Variants in SREK1IP1 observed in about 807,000 individuals in gnomAD.
SREK1IP1 encodes the protein SREK1 interacting protein 1.
Under a neutral mutation model 22.8 loss-of-function variants are expected in SREK1IP1, and 12 were observed. The ratio of observed to expected loss-of-function variants is 0.53; its 90% CI spans 0.34 to 0.85. SREK1IP1 has a LOEUF of 0.85. Ranked by LOEUF, SREK1IP1 falls within the 40% of genes least tolerant of loss-of-function variation. The pLI, the probability that SREK1IP1 is intolerant of heterozygous loss-of-function variation, is 0.02. For missense variants in SREK1IP1, 147 were observed against 171.8 expected, an observed-to-expected ratio of 0.86 and a Z score of 0.81; for synonymous variants, 53 against 52.7, an observed-to-expected ratio of 1.01 and a Z score of -0.02.
chr5:64,758,035 G>A lies in SREK1IP1; in HGVS notation c.14-3673C>T, dbSNP rs565098496. 3.9e-4 allele frequency among the ~76,000 whole-genome samples: 59 copies of A among 151,410 alleles called. 1 individual carries two copies. Among genetic ancestry groups the A allele is most frequent in the African/African-American group, 1.3e-3 (53 of 41,292 alleles). On this transcript the variant is annotated intron_variant, in intron 1 of 4. Transcript: ENST00000513458. The stretch of plus-strand genomic sequence containing the variant: ...CTACAGGCGCCCGCCACCACGCCAG[G>A]CTAATTTTTTGTATTTTTTTTTAGT...
intron 2 of SREK1IP1, among the ~76,000 whole-genome samples, chr5:64,750,401 T>C (rs1742721083): frequency 6.6e-6 from 1 of 152,220 alleles, no homozygotes; most frequent in South Asian, 2.1e-4. Flanking sequence ...GACTCTTTTA[T>C]ATACCCTTGT....
chr5:64,766,255 C>G (rs1743030965), intron 1 of SREK1IP1, among the ~76,000 whole-genome samples: 1 of 152,188 alleles, frequency 6.6e-6, no homozygotes, highest in Non-Finnish European at 1.5e-5. Flanking sequence ...ACACAACAAG[C>G]CCCAGACTGG....
chr5:64,760,414 G>GA (rs368349754), intron 1 of SREK1IP1, among the ~76,000 whole-genome samples: 1 of 152,190 alleles, frequency 6.6e-6, no homozygotes, highest in African/African-American at 2.4e-5. Flanking sequence ...GAGGTGGGGG[G>GA]AAAGTCTCTT....
chr5:64,759,564 T>A (rs915192280), intron 1 of SREK1IP1, among the ~76,000 whole-genome samples: 3 of 151,866 alleles, frequency 2.0e-5, no homozygotes, highest in African/African-American at 7.3e-5. Context: ...AAAAGCAAAC[T>A]CAAAAGACAC....
intron 1 of SREK1IP1, among the ~76,000 whole-genome samples, chr5:64,762,787 C>T (rs1202198563): frequency 1.3e-5 from 2 of 152,142 alleles, no homozygotes; most frequent in Non-Finnish European, 2.9e-5. Flanking sequence ...TGTGGTGGCT[C>T]ACACCTGTAA....
intron 2 of SREK1IP1, among the ~76,000 whole-genome samples, chr5:64,751,486 G>A (rs936444699): frequency 1.2e-4 from 19 of 152,250 alleles, no homozygotes; most frequent in East Asian, 7.7e-4. Flanking sequence ...CAATAAGACT[G>A]TAAAAGGAAA....
chr5:64,736,816 A>T (rs1742469981), intron 3 of SREK1IP1, among the ~76,000 whole-genome samples: 1 of 108,928 alleles, frequency 9.2e-6, no homozygotes, highest in Non-Finnish European at 2.5e-5. Context: ...ATCATTAGGA[A>T]AAAAAACCTC....
chr5:64,749,683 T>C (rs189076135), intron 2 of SREK1IP1, among the ~76,000 whole-genome samples: 61 of 152,242 alleles, frequency 4.0e-4, no homozygotes, highest in Non-Finnish European at 6.3e-4. Flanking sequence ...TCAAGCAATC[T>C]GCCTGTCTCA....
chr5:64,738,752 C>G (rs1742506708), intron 3 of SREK1IP1, among the ~76,000 whole-genome samples: 1 of 152,112 alleles, frequency 6.6e-6, no homozygotes, highest in African/African-American at 2.4e-5. Context: ...AGCAAATGGT[C>G]TTGGGTCAAG....
At chr5:64,738,678 A>G (rs1742505473) in intron 3 of SREK1IP1, among the ~76,000 whole-genome samples, 1 of 152,140 alleles carries the variant, frequency 6.6e-6, no homozygotes, top group Non-Finnish European at 1.5e-5. Flanking sequence ...GAATAAACCC[A>G]TGCATATATG....
At chr5:64,736,146 T>C (rs1011014536) in intron 3 of SREK1IP1, among the ~76,000 whole-genome samples, 59 of 152,194 alleles carry the variant, frequency 3.9e-4, no homozygotes, top group Admixed American at 2.4e-3. Context: ...TTATAAACAT[T>C]TGGGCATTTT....
intron 3 of SREK1IP1, among the ~76,000 whole-genome samples, chr5:64,735,850 C>T (rs944184574): frequency 6.6e-6 from 1 of 151,904 alleles, no homozygotes; most frequent in Non-Finnish European, 1.5e-5. Context: ...GTTTTGTTTT[C>T]CATTTCATTG....
intron 3 of SREK1IP1, among the ~76,000 whole-genome samples, chr5:64,737,589 A>C (rs183765535): frequency 1.0e-3 from 152 of 151,052 alleles, no homozygotes; most frequent in African/African-American, 3.5e-3. Context: ...AAAAAAAAAC[A>C]CAATAAATGA....
At chr5:64,768,041 G>A (rs970264700) in intron 1 of SREK1IP1, among the ~76,000 whole-genome samples, 2 of 152,162 alleles carry the variant, frequency 1.3e-5, no homozygotes, top group African/African-American at 4.8e-5. Context: ...TATGGCCACG[G>A]AGCAGCTACA....
At chr5:64,728,282 C>T (rs894041236) in intron 3 of SREK1IP1, 103 bp from the exon 4 acceptor site, 17 of 1,054,258 alleles carry the variant, frequency 1.6e-5, no homozygotes, top group Middle Eastern at 2.5e-4. Flanking sequence ...GTGAATTTCA[C>T]TGGTTAGGAT....
intron 4 of SREK1IP1, among the ~76,000 whole-genome samples, chr5:64,727,231 T>C (rs867457842): frequency 2.0e-5 from 3 of 152,126 alleles, no homozygotes; most frequent in African/African-American, 7.2e-5. Context: ...GAAATAATTA[T>C]GGTTAAGTGC....
chr5:64,752,212 C>T (rs1281574061), intron 2 of SREK1IP1, among the ~76,000 whole-genome samples: 2 of 129,758 alleles, frequency 1.5e-5, no homozygotes, highest in East Asian at 2.5e-4. Flanking sequence ...AGTGCAGTGG[C>T]GCAATCTCGG....
intron 3 of SREK1IP1, among the ~76,000 whole-genome samples, chr5:64,739,969 C>A (rs936158408): frequency 6.6e-6 from 1 of 152,094 alleles, no homozygotes; most frequent in East Asian, 1.9e-4. Flanking sequence ...AAATTTGTAA[C>A]TCTCTCATTC....
At chr5:64,752,227 C>T (rs1222265982) in intron 2 of SREK1IP1, among the ~76,000 whole-genome samples, 1 of 141,112 alleles carries the variant, frequency 7.1e-6, no homozygotes, top group South Asian at 2.3e-4. Flanking sequence ...TCTCGGCTCA[C>T]TGCAAACTCC....
Sources: allele counts gnomAD v4.1 joint callset (sites outside exome capture counted in the v4.1 genomes callset), GRCh38; gene constraint gnomAD v4.1.1; transcripts MANE v1.5; gene names NCBI Gene and HGNC (gene_info 2026-07-23, HGNC 2026-07-21).